Variants in LCOR observed in about 807,000 individuals in gnomAD.
LCOR encodes ligand dependent nuclear receptor corepressor.
A neutral mutation model predicts 64.4 loss-of-function variants in LCOR; 14 were observed. The observed-to-expected ratio is 0.22, with a 90% CI of 0.14 to 0.34. The LOEUF is 0.34. Ranked by LOEUF, LCOR falls within the 10% of genes least tolerant of loss-of-function variation. The pLI is 1.00. For missense variants in LCOR, 1,686 were observed against 1,765.3 expected, an observed-to-expected ratio of 0.96 and a Z score of 0.80; for synonymous variants, 643 against 642.5, an observed-to-expected ratio of 1.00 and a Z score of -0.01.
intron 7 of LCOR, chr10:96,964,059 CTTTTT>C (rs1178752669): frequency 6.6e-6 from 1 of 152,020 alleles, no homozygotes; most frequent in Non-Finnish European, 1.5e-5. Flanking sequence ...GTGATTTGAA[CTTTTT>C]GTTCCTTGCT....
intron 4 of LCOR, among the ~76,000 whole-genome samples, chr10:96,928,233 T>C (rs1429924410): frequency 5.3e-5 from 8 of 152,204 alleles, no homozygotes; most frequent in African/African-American, 9.7e-5. Context: ...GTAGAACTTC[T>C]TTCAAAATTG....
chr10:96,883,141 A>G (rs975854063), intron 2 of LCOR, among the ~76,000 whole-genome samples: 2 of 152,122 alleles, frequency 1.3e-5, no homozygotes, highest in African/African-American at 2.4e-5. Flanking sequence ...GGTTCAAGCA[A>G]TTCTGCCTCA....
intron 4 of LCOR, among the ~76,000 whole-genome samples, chr10:96,937,658 G>A (rs543421885): frequency 5.2e-4 from 79 of 152,066 alleles, no homozygotes; most frequent in Middle Eastern, 6.8e-3. Flanking sequence ...TGCCTTCACT[G>A]GCATATTCTG....
At chr10:96,959,591 T>C (rs1444112957) in intron 7 of LCOR, 1 of 152,208 alleles carries the variant, frequency 6.6e-6, no homozygotes, top group Non-Finnish European at 1.5e-5. Flanking sequence ...TAATGTAGTA[T>C]ATTACTTTGT....
chr10:96,991,243 C>T lies in LCOR; in HGVS notation c.*6109C>T, dbSNP rs1013088601. On this transcript the variant is annotated 3_prime_UTR_variant, in exon 8 of 8. Coordinates refer to ENST00000421806, the MANE Select transcript of LCOR (RefSeq NM_001346516.2). ...TTTAGAGTGTCTTGCCTGTTCATCT[C>T]AGTACACAGCTGCTGTTACAGATTA... 1 of 152,046 alleles carries T rather than the reference C, an allele frequency of 6.6e-6. No homozygotes were observed. The highest frequency in any genetic ancestry group is 1.5e-5 in the Non-Finnish European group (1 of 68,014). 9.4% of individuals were successfully genotyped at this position (152,046 alleles called of 1,614,324 possible).
chr10:96,938,921 A>G (rs377507927), intron 4 of LCOR, among the ~76,000 whole-genome samples: 1 of 152,244 alleles, frequency 6.6e-6, no homozygotes. Context: ...AATTGTTACT[A>G]TGGTATTACT....
chr10:96,983,398 G>A lies in LCOR; in HGVS notation c.2938G>A (p.Gly980Arg). The A allele has an allele frequency of 3.7e-6, 6 of 1,614,170 alleles. No homozygotes were observed. The South Asian group carries it at 4.4e-5, about 12-fold the overall frequency. The change falls in exon 8 of 8, where the codon GGG becomes AGG. Residue 980 changes from glycine to arginine, a missense_variant. By Grantham distance (125) the Gly-to-Arg change is moderately radical (BLOSUM62 -2). Transcript: ENST00000421806. The surrounding 1 kb of genome is among the most constrained non-coding windows in gnomAD (Gnocchi z 4.5). ...CCCAGAACAGGCAAAAGAAGAGCCA[G>A]GGCATATTCCCACACAGCATGTGGA... ...RDPEQAKEEP[G>R]HIPTQHVEEA...
chr10:96,886,779 C>T (rs931655888), intron 2 of LCOR, among the ~76,000 whole-genome samples: 32 of 152,192 alleles, frequency 2.1e-4, no homozygotes, highest in African/African-American at 7.7e-4. Context: ...AGACTAGATA[C>T]TGAGGTATCC....
chr10:96,912,592 C>A (rs1846858564), intron 4 of LCOR, among the ~76,000 whole-genome samples: 1 of 139,648 alleles, frequency 7.2e-6, no homozygotes, highest in Non-Finnish European at 1.5e-5. Context: ...TCTGTAAGAT[C>A]TTCCTTTCTT....
chr10:96,971,543 C>G (rs1847999548), intron 7 of LCOR, among the ~76,000 whole-genome samples: 1 of 152,072 alleles, frequency 6.6e-6, no homozygotes, highest in South Asian at 2.1e-4. Context: ...ACAAAAGATA[C>G]AAGCAGACTG....
chr10:96,871,476 G>A (rs1846071211), intron 2 of LCOR, among the ~76,000 whole-genome samples: 1 of 151,854 alleles, frequency 6.6e-6, no homozygotes, highest in South Asian at 2.1e-4. Context: ...GCAGTGGCAC[G>A]ATCTCGGCTC....
chr10:96,941,060 C>T (rs1267271290), intron 4 of LCOR, among the ~76,000 whole-genome samples: 2 of 115,036 alleles, frequency 1.7e-5, no homozygotes, highest in Non-Finnish European at 3.6e-5. Context: ...GGCGGCTGGC[C>T]GACCCCCCCC....
intron 1 of LCOR, chr10:96,832,981 G>T: frequency 6.1e-6 from 6 of 984,788 alleles, no homozygotes; most frequent in Non-Finnish European, 7.2e-6. Context: ...GGAGATGGGG[G>T]CGGAGGGAGC....
At position 96,982,487 on chromosome 10, in the gene LCOR, G is replaced by T. The variant is rs1312566786; in HGVS notation, c.2027G>T (p.Ser676Ile). ...TGTCACCTCCTTCCCTCCACTGAAA[G>T]CTTTTCCGGGGGAGTCAGTGAAGAT... ...QDCHLLPSTE[S>I]FSGGVSEDVI... The change falls in exon 8 of 8, where the codon AGC (serine) becomes ATC (isoleucine). Residue 676 changes from serine to isoleucine, a missense_variant. By Grantham distance (142) the Ser-to-Ile change is moderately radical (BLOSUM62 -2). This residue lies in a region of LCOR where 1,293 missense variants were observed against 1,410.4 expected (regional missense o/e 0.92). Coordinates refer to ENST00000421806, the MANE Select transcript of LCOR (RefSeq NM_001346516.2). 1 of 1,614,200 alleles carries T rather than the reference G, an allele frequency of 6.2e-7. No individual in the cohort carries two copies. The highest frequency in any genetic ancestry group is 1.7e-5 in the Admixed American group (1 of 60,026).
intron 7 of LCOR, among the ~76,000 whole-genome samples, chr10:96,979,667 A>G (rs2134561084): frequency 6.6e-6 from 1 of 152,222 alleles, no homozygotes; most frequent in East Asian, 1.9e-4. Context: ...AGGCCTGTAC[A>G]GTTTAGTGTG....
intron 5 of LCOR, among the ~76,000 whole-genome samples, chr10:96,947,609 A>G (rs1171699715): frequency 6.6e-6 from 1 of 152,152 alleles, no homozygotes; most frequent in East Asian, 1.9e-4. Flanking sequence ...TAAAACCTCA[A>G]AAGTGTGGTG....
At chr10:96,922,183 T>G (rs1305428864) in intron 4 of LCOR, among the ~76,000 whole-genome samples, 1 of 152,096 alleles carries the variant, frequency 6.6e-6, no homozygotes, top group Non-Finnish European at 1.5e-5. Context: ...CCTTTTTATT[T>G]CTTATATATT....
At chr10:96,977,384 G>C (rs1479487110) in intron 7 of LCOR, among the ~76,000 whole-genome samples, 1 of 152,164 alleles carries the variant, frequency 6.6e-6, no homozygotes, top group Non-Finnish European at 1.5e-5. Context: ...GTCAGACTTA[G>C]TTAATTGAGT....
Position 96,982,259 on chromosome 10 carries a change from C to T in LCOR, c.1799C>T (p.Pro600Leu), listed in dbSNP as rs192268247. 41 of 1,614,154 alleles carry T rather than the reference C, an allele frequency of 2.5e-5. No homozygotes were observed. The Admixed American group carries it at 3.8e-4, about 15-fold the overall frequency. Residue 600 changes from proline (P) to leucine (L), a missense_variant, in exon 8 of 8, where the codon CCG (proline) becomes CTG (leucine). By Grantham distance (98) the Pro-to-Leu change is moderately conservative. Around this residue, in one of 3 missense-constraint regions of LCOR, gnomAD observed 1,293 missense variants for 1,410.4 expected, o/e 0.92. Transcript: ENST00000421806. Reference sequence around the variant, plus strand: ...GAGGTTTGCCCCACAAAGATTAAGCCGAACCTGAGCAGCTCCCCTAGGTCA... The same window carrying T: ...GAGGTTTGCCCCACAAAGATTAAGCTGAACCTGAGCAGCTCCCCTAGGTCA... ...EPEVCPTKIK[P>L]NLSSSPRSEE...
Sources: allele counts gnomAD v4.1 joint callset (sites outside exome capture counted in the v4.1 genomes callset), GRCh38; gene constraint gnomAD v4.1.1; regional missense constraint gnomAD v4.1.1; non-coding constraint Gnocchi (gnomAD v3.1); transcripts MANE v1.5; gene names NCBI Gene and HGNC (gene_info 2026-07-23, HGNC 2026-07-21).